MAP7D2: variants seen among roughly 807,000 people sequenced by gnomAD.
The protein encoded by MAP7D2 is MAP7 domain containing 2, also known as MAP7 domain-containing protein 2.
Under a neutral mutation model 63.5 loss-of-function variants are expected in MAP7D2, and 33 were observed. The observed-to-expected ratio is 0.52, with a 90% CI of 0.39 to 0.70. MAP7D2 has a LOEUF of 0.70. MAP7D2 is among the 30% of genes least tolerant of loss of function. MAP7D2 has a pLI of 0.00. For synonymous variants in MAP7D2, 224 were observed against 223.7 expected, an observed-to-expected ratio of 1.00 and a Z score of -0.01; for missense variants, 626 against 604.0, an observed-to-expected ratio of 1.04 and a Z score of -0.38.
chrX:20,101,021 C>CAAAA (rs567374019), intron 1 of MAP7D2, among the ~76,000 whole-genome samples: 2 of 44,651 alleles, frequency 4.5e-5, no homozygotes, highest in African/African-American at 7.7e-5. Context: ...AACTCCGTCT[C>CAAAA]AAAAAAAAAA....
chrX:20,035,920 AT>A (rs1339751993), intron 8 of MAP7D2, among the ~76,000 whole-genome samples: 7 of 55,541 alleles, frequency 1.3e-4, no homozygotes, highest in African/African-American at 4.8e-4. Flanking sequence ...CTCAAAAAAA[AT>A]ATATATGTGT....
At chrX:20,034,477 TTC>T (rs1351098732) in intron 8 of MAP7D2, among the ~76,000 whole-genome samples, 1 of 110,962 alleles carries the variant, frequency 9.0e-6, no homozygotes, top group Non-Finnish European at 1.9e-5. Context: ...GTCTGAATGT[TTC>T]TGTCTCCTCA....
At chrX:20,010,724 C>A in intron 16 of MAP7D2, 53 bp downstream of exon 16, 1 of 1,072,184 alleles carries the variant, frequency 9.3e-7, no homozygotes, top group South Asian at 2.2e-5. Context: ...ATCCTATCTT[C>A]ACAAACCCCA....
chrX:20,116,521 A>C, intron 1 of MAP7D2: 1 of 882,710 alleles, frequency 1.1e-6, no homozygotes, highest in African/African-American at 2.1e-5. Context: ...CCCCATGTGT[A>C]CCCACTCACC....
intron 6 of MAP7D2, among the ~76,000 whole-genome samples, chrX:20,047,857 AAAAAG>A (rs1246324488): frequency 1.1e-5 from 1 of 89,031 alleles, no homozygotes; most frequent in Non-Finnish European, 2.1e-5. Flanking sequence ...TAAGAAAAAG[AAAAAG>A]AAAAGAAAGA....
intron 1 of MAP7D2, among the ~76,000 whole-genome samples, chrX:20,115,085 C>T (rs1220701403): frequency 1.8e-5 from 2 of 111,014 alleles, no homozygotes; most frequent in African/African-American, 6.6e-5. Flanking sequence ...ACATATTTTT[C>T]TATATTTCCA....
chrX:20,084,849 A>C (rs976534484), intron 1 of MAP7D2, among the ~76,000 whole-genome samples: 1 of 111,562 alleles, frequency 9.0e-6, no homozygotes, highest in African/African-American at 3.3e-5. Context: ...CTGGGATTAC[A>C]GGTGTAAGCT....
Position 20,088,056 on chromosome X carries a change from A to AT in MAP7D2, c.131-23252dup, listed in dbSNP as rs754137002. Among the ~76,000 whole-genome samples the AT allele has an allele frequency of 1.5e-3, 141 of 95,672 alleles. 1 individual carries two copies. Among genetic ancestry groups the AT allele is most frequent in the African/African-American group, 3.2e-3 (85 of 26,445 alleles). The allele number at this position is 95,672 out of a possible 115,157, so 83.1% of individuals were successfully genotyped here. On this transcript the variant is annotated intron_variant, in intron 1 of 16. Transcript: ENST00000379643. ...AGGTGCATACCATCACGTCCGGCTA[A>AT]TTTTTTTTTTTTTTTGTATTTTTTT...
At chrX:20,011,195 CT>C (rs2073189149) in intron 15 of MAP7D2, 143 bp from the exon 16 acceptor site, 1 of 601,646 alleles carries the variant, frequency 1.7e-6, no homozygotes, top group South Asian at 3.2e-5. Flanking sequence ...GTGTAACACA[CT>C]GTAAAAAATA....
At chrX:20,057,036 G>A (rs1278205363) in intron 3 of MAP7D2, among the ~76,000 whole-genome samples, 1 of 112,384 alleles carries the variant, frequency 8.9e-6, no homozygotes, top group African/African-American at 3.2e-5. Flanking sequence ...TCCCCTCCCT[G>A]GGGAGAAGCT....
In MAP7D2 at chrX:20,088,483, T is replaced by G. The variant is rs1420525163; in HGVS notation, c.131-23678A>C. Among the ~76,000 whole-genome samples, 11 of 31,076 alleles carry G rather than the reference T, an allele frequency of 3.5e-4. 1 individual carries two copies. The African/African-American group carries it at 6.3e-3, about 18-fold the overall frequency. 27.0% of individuals were successfully genotyped at this position (31,076 alleles called of 115,157 possible). On this transcript the variant is annotated intron_variant, in intron 1 of 16. Transcript: ENST00000379643. ...CTAATTTTCAGTTTTTTTTTTTTTT[T>G]TTTTTTTTTTTTTTTTTTTTTTGCA...
rs760204231 is a variant in MAP7D2, at chrX:20,103,677, A to C, written c.130+13073T>G. Among the ~76,000 whole-genome samples the C allele has an allele frequency of 2.7e-5, 3 of 112,245 alleles. No homozygotes were observed. The Admixed American group carries it at 2.8e-4, about 11-fold the overall frequency. ...GCTACTACTATATGTGCTGATATAA[A>C]TTCAATTTTTTTAAATTTAGAAACA... On this transcript the variant is annotated intron_variant, in intron 1 of 16. Coordinates refer to ENST00000379643, the MANE Select transcript of MAP7D2 (RefSeq NM_001168465.2).
chrX:20,105,461 C>T (rs2066542279), intron 1 of MAP7D2, among the ~76,000 whole-genome samples: 1 of 111,548 alleles, frequency 9.0e-6, no homozygotes, highest in Non-Finnish European at 1.9e-5. Flanking sequence ...AATCAGTCCA[C>T]TAAGGCCATC....
intron 1 of MAP7D2, among the ~76,000 whole-genome samples, chrX:20,073,537 T>C (rs1426705837): frequency 1.3e-4 from 14 of 105,835 alleles, no homozygotes; most frequent in Admixed American, 3.0e-4. Context: ...CTTTTCTTTT[T>C]TTTTTTTTTT....
At chrX:20,078,456 C>G (rs1045472335) in intron 1 of MAP7D2, among the ~76,000 whole-genome samples, 4 of 112,294 alleles carry the variant, frequency 3.6e-5, no homozygotes, top group African/African-American at 1.3e-4. Flanking sequence ...GGAGCACTGA[C>G]AGAGAGACCT....
chrX:20,080,922 G>C (rs1226653577), intron 1 of MAP7D2, among the ~76,000 whole-genome samples: 1 of 111,999 alleles, frequency 8.9e-6, no homozygotes, highest in Non-Finnish European at 1.9e-5. Flanking sequence ...GCAGAGGCTG[G>C]CTTTCAGGTT....
chrX:20,046,757 A>C (rs891016125), intron 6 of MAP7D2, among the ~76,000 whole-genome samples: 6 of 112,903 alleles, frequency 5.3e-5, no homozygotes, highest in African/African-American at 9.6e-5. Context: ...AGTTGGATAA[A>C]AATGGGTTTT....
chrX:20,052,645 G>A (rs772991770), intron 5 of MAP7D2, among the ~76,000 whole-genome samples: 1 of 112,170 alleles, frequency 8.9e-6, no homozygotes, highest in South Asian at 3.7e-4. Flanking sequence ...TTTCAGACTG[G>A]GAGACTGCAT....
chrX:20,110,514 G>A (rs1277081453), intron 1 of MAP7D2, among the ~76,000 whole-genome samples: 1 of 107,430 alleles, frequency 9.3e-6, no homozygotes, highest in Non-Finnish European at 1.9e-5. Flanking sequence ...AAACAAAAAT[G>A]AGCCAGACAT....
Sources: allele counts gnomAD v4.1 joint callset (sites outside exome capture counted in the v4.1 genomes callset), GRCh38; gene constraint gnomAD v4.1.1; transcripts MANE v1.5; gene names NCBI Gene and HGNC (gene_info 2026-07-23, HGNC 2026-07-21).